L3MBTL4: variants seen among roughly 807,000 people sequenced by gnomAD.
The protein encoded by L3MBTL4 is L3MBTL histone methyl-lysine binding protein 4.
A neutral mutation model predicts 84.5 loss-of-function variants in L3MBTL4; 70 were observed. The observed-to-expected ratio is 0.83, with a 90% CI of 0.68 to 1.01. The LOEUF is 1.01. Ranked by LOEUF, L3MBTL4 falls within the 50% of genes least tolerant of loss-of-function variation. The probability of loss-of-function intolerance (pLI) is 0.00; values close to 1 mark genes in which losing one functional copy is unlikely to be tolerated. For missense variants in L3MBTL4, 715 were observed against 754.8 expected (o/e 0.95, Z 0.62); for synonymous variants, 274 against 259.8 (o/e 1.05, Z -0.52).
chr18:6,281,264 C>T (rs1370688591), intron 4 of L3MBTL4, among the ~76,000 whole-genome samples: 2 of 152,144 alleles, frequency 1.3e-5, no homozygotes, highest in East Asian at 3.8e-4. Context: ...CTCAGGTTCA[C>T]TGTATGAAAT....
intron 14 of L3MBTL4, among the ~76,000 whole-genome samples, chr18:6,137,958 A>G (rs1440451238): frequency 6.6e-6 from 1 of 152,206 alleles, no homozygotes; most frequent in Non-Finnish European, 1.5e-5. Flanking sequence ...ATTAGAAAAC[A>G]GAGATTCTGG....
intron 13 of L3MBTL4, among the ~76,000 whole-genome samples, chr18:6,148,487 G>A (rs570494295): frequency 1.8e-4 from 28 of 152,284 alleles, no homozygotes; most frequent in Non-Finnish European, 4.0e-4. Flanking sequence ...CTGCGGTGCT[G>A]CTATCACGGT....
chr18:6,059,244 G>A (rs565460210), intron 16 of L3MBTL4, among the ~76,000 whole-genome samples: 1 of 152,234 alleles, frequency 6.6e-6, no homozygotes, highest in Non-Finnish European at 1.5e-5. Context: ...AGCCTCTGGC[G>A]TGGCTGCCCA....
intron 16 of L3MBTL4, among the ~76,000 whole-genome samples, chr18:5,981,517 G>A (rs145617110): frequency 3.9e-5 from 6 of 152,224 alleles, no homozygotes; most frequent in Admixed American, 1.3e-4. Context: ...AGGTCCTGTC[G>A]GAAACTAAGT....
intron 16 of L3MBTL4, chr18:6,031,701 A>T (rs1003979573): frequency 1.0e-6 from 1 of 985,288 alleles, no homozygotes; most frequent in African/African-American, 1.7e-5. Context: ...GCACGGCTTC[A>T]TGGGGAATGG....
At chr18:5,978,008 G>A (rs764515080) in intron 16 of L3MBTL4, among the ~76,000 whole-genome samples, 10 of 152,192 alleles carry the variant, frequency 6.6e-5, no homozygotes, top group Non-Finnish European at 1.2e-4. Flanking sequence ...GAGCTGCATG[G>A]CAGAGCGTGA....
At chr18:5,972,892 G>GAGAATAGAATAGAAT (rs5822882) in intron 16 of L3MBTL4, among the ~76,000 whole-genome samples, 34 of 132,122 alleles carry the variant, frequency 2.6e-4, no homozygotes, top group South Asian at 5.1e-4. Flanking sequence ...TAGAACAGAA[G>GAGAATAGAATAGAAT]AGAATAGAAT....
At chr18:6,285,450 T>C (rs1599482882) in intron 4 of L3MBTL4, among the ~76,000 whole-genome samples, 1 of 152,006 alleles carries the variant, frequency 6.6e-6, no homozygotes, top group African/African-American at 2.4e-5. Flanking sequence ...TTTCAATATA[T>C]AGAGATGCAC....
intron 16 of L3MBTL4, among the ~76,000 whole-genome samples, chr18:6,021,127 C>T (rs1056703876): frequency 2.0e-5 from 3 of 152,160 alleles, no homozygotes; most frequent in African/African-American, 2.4e-5. Flanking sequence ...CGCTTTTCCA[C>T]GGTCAAGTAA....
At position 6,138,238 on chromosome 18, in the gene L3MBTL4, T is replaced by C. The variant is rs753147970; in HGVS notation, c.1155A>G (p.Arg385=). ...GQAVCPTPGC[R]GIGHIRGPRY... Reference sequence around the variant, plus strand: ...GTGGACCACGGATATGGCCTATTCCTCGGCACCCGGGAGTAGGACAGACAG... The same window carrying C: ...GTGGACCACGGATATGGCCTATTCCCCGGCACCCGGGAGTAGGACAGACAG... Residue 385 remains arginine (R), a synonymous_variant, in exon 14 of 19, where the codon CGA becomes CGG. Transcript: ENST00000317931. The C allele has an allele frequency of 6.2e-7, 1 of 1,613,556 alleles. No homozygotes were observed. Among genetic ancestry groups the C allele is most frequent in the South Asian group, 1.1e-5 (1 of 90,906 alleles).
At chr18:6,049,430 C>CA (rs1202015972) in intron 16 of L3MBTL4, among the ~76,000 whole-genome samples, 2 of 152,088 alleles carry the variant, frequency 1.3e-5, no homozygotes, top group African/African-American at 4.8e-5. Flanking sequence ...AAAAAGTAGG[C>CA]AAAATGCATG....
At chr18:5,997,270 C>T (rs1227393203) in intron 16 of L3MBTL4, among the ~76,000 whole-genome samples, 1 of 150,524 alleles carries the variant, frequency 6.6e-6, no homozygotes, top group Non-Finnish European at 1.5e-5. Context: ...AAGCTGTGAA[C>T]TATGTCAGGC....
chr18:6,235,215 T>C (rs745596427), intron 10 of L3MBTL4, among the ~76,000 whole-genome samples: 2 of 152,146 alleles, frequency 1.3e-5, no homozygotes, highest in African/African-American at 2.4e-5. Context: ...AAATACCTAA[T>C]GTAAATGACG....
rs1598855868 is a variant in L3MBTL4, at chr18:6,132,493, C to G, written c.1199+5701G>C. ...CCTGAGCATGTGTGAGGCCTGGAGA[C>G]AGGATCGCTTCTCAGGCCTGCTGTC... On this transcript the variant is annotated intron_variant, in intron 14 of 18. Coordinates refer to ENST00000317931, the MANE Select transcript of L3MBTL4 (RefSeq NM_001330559.2). 2.0e-5 allele frequency among the ~76,000 whole-genome samples: 3 copies of G among 152,356 alleles called. No homozygotes were observed. The Middle Eastern group carries it at 0.01, about 518-fold the overall frequency.
chr18:5,997,028 C>T (rs1483523361), intron 16 of L3MBTL4, among the ~76,000 whole-genome samples: 1 of 141,904 alleles, frequency 7.0e-6, no homozygotes, highest in African/African-American at 3.1e-5. Flanking sequence ...ATGGATTCAA[C>T]CAATTGCAGG....
At chr18:6,172,006 A>G in intron 12 of L3MBTL4, 64 bp from the exon 13 acceptor site, 1 of 738,472 alleles carries the variant, frequency 1.4e-6, no homozygotes, top group Non-Finnish European at 2.3e-6. Flanking sequence ...CCTGTATCAA[A>G]ATATTTGAAT....
At chr18:6,386,763 G>C (rs749168458) in intron 1 of L3MBTL4, among the ~76,000 whole-genome samples, 13 of 152,192 alleles carry the variant, frequency 8.5e-5, no homozygotes, top group Non-Finnish European at 8.8e-5. Context: ...CACAAAGGGG[G>C]AGAAGGCAAG....
At chr18:6,064,573 C>A (rs9960573) in intron 16 of L3MBTL4, among the ~76,000 whole-genome samples, 19,673 of 149,498 alleles carry the variant, frequency 0.13, 2,581 homozygotes, top group African/African-American at 0.34. Context: ...AAGTCTTTCA[C>A]CTCCTTGATT....
intron 16 of L3MBTL4, among the ~76,000 whole-genome samples, chr18:6,016,705 C>T (rs2054998975): frequency 6.6e-6 from 1 of 152,198 alleles, no homozygotes; most frequent in Admixed American, 6.5e-5. Flanking sequence ...TAACTAATAG[C>T]ATGATTTGCT....
Sources: gnomAD v4.1 joint callset for allele counts (sites outside exome capture counted in the v4.1 genomes callset) on GRCh38, gnomAD v4.1.1 for gene constraint, MANE v1.5 for transcripts, NCBI Gene and HGNC (gene_info 2026-07-23, HGNC 2026-07-21) for gene names.